The following MYH3 variants were observed in gnomAD, a reference collection of about 807,000 sequenced individuals.
MYH3 encodes the protein myosin heavy chain 3, also known as myosin-3.
MYH3 carries 130 observed loss-of-function variants against 238.0 expected under a neutral mutation model. The ratio of observed to expected loss-of-function variants is 0.55; its 90% CI spans 0.47 to 0.63. The LOEUF (loss-of-function observed/expected upper bound fraction) is 0.63. Ranked by LOEUF, MYH3 falls within the 30% of genes least tolerant of loss-of-function variation. MYH3 has a pLI of 0.00. For missense variants in MYH3, 1,853 were observed against 2,374.9 expected, an observed-to-expected ratio of 0.78 and a Z score of 4.57; for synonymous variants, 880 against 924.1, an observed-to-expected ratio of 0.95 and a Z score of 0.86.
At position 10,647,435 on chromosome 17, in the gene MYH3, G is replaced by A; in HGVS notation, c.736-9C>T. The A allele has an allele frequency of 6.2e-6, 10 of 1,614,138 alleles. No homozygotes were observed. The highest frequency in any genetic ancestry group is 8.5e-6 in the Non-Finnish European group (10 of 1,180,030). On this transcript the variant is annotated splice_polypyrimidine_tract_variant and intron_variant, in intron 8 of 40. Transcript: ENST00000583535. ...ATTCGGATGAACTTGCCCTGTATGG[G>A]GCGGGATTCAGGGGGAGACCAGATT...
Position 10,638,557 on chromosome 17 carries a change from T to C in MYH3, c.3340-125A>G, listed in dbSNP as rs975018183. 35 of 1,306,856 alleles carry C rather than the reference T, an allele frequency of 2.7e-5. No individual in the cohort carries two copies. The South Asian group carries it at 3.3e-4, about 12-fold the overall frequency. The allele number at this position is 1,306,856 out of a possible 1,614,324, so 81.0% of individuals were successfully genotyped here. ...TCTTAGACTCCCCTCCAATGAATAC[T>C]GCAAATTTCCTTTCACAGGAATTTT... On this transcript the variant is annotated intron_variant, in intron 26 of 40. Transcript: ENST00000583535.
chr17:10,663,280 G>A, the MYH3 span, among the ~76,000 whole-genome samples: 1 of 152,148 alleles, frequency 6.6e-6, no homozygotes, highest in African/African-American at 2.4e-5. Context: ...CAAATGAACT[G>A]TATGGTACAA....
rs962628210 is a variant in MYH3, at chr17:10,654,825, G to A, written c.204+36C>T. 6.2e-7 allele frequency: 1 copy of A among 1,600,872 alleles called. No homozygotes were observed. Among genetic ancestry groups the A allele is most frequent in the African/African-American group, 1.3e-5 (1 of 74,630 alleles). Reference sequence around the variant, plus strand: ...CCCAGGCAAGCACAAGGACCAGGTGGAGGGCCAGCAGCCTGTGGAGGGTAC... The same window carrying A: ...CCCAGGCAAGCACAAGGACCAGGTGAAGGGCCAGCAGCCTGTGGAGGGTAC... On this transcript the variant is annotated intron_variant, in intron 3 of 40. Coordinates refer to ENST00000583535, the MANE Select transcript of MYH3 (RefSeq NM_002470.4). This position sits in a 1 kb window ranked among gnomAD's most constrained non-coding sequence, Gnocchi z 4.5.
chr17:10,640,564 T>A lies in MYH3; in HGVS notation c.2288A>T (p.Lys763Met). The A allele has an allele frequency of 6.2e-7, 1 of 1,614,254 alleles. No homozygotes were observed. Among genetic ancestry groups the A allele is most frequent in the South Asian group, 1.1e-5 (1 of 91,092 alleles). Residue 763 changes from lysine to methionine, a missense_variant and splice_region_variant, in exon 20 of 41, where the codon AAG becomes ATG. This residue lies in a region of MYH3 where 678 missense variants were observed against 1,058.9 expected (regional missense o/e 0.64). Coordinates refer to ENST00000583535, the MANE Select transcript of MYH3 (RefSeq NM_002470.4). ...CATCTGTCAGAACTGATGCATTACC[T>A]TGGTATGTCCAAATTTGTACTGAGT... ...DHTQYKFGHT[K>M]VFFKAGLLGT...
rs763858044 is a variant in MYH3 at position 10,652,533 on chromosome 17, C to A, written c.235G>T (p.Ala79Ser). ...TLVVKPEDVYAMNPPKFDRIE... is the reference protein window; with the variant it reads ...TLVVKPEDVYSMNPPKFDRIE... The stretch of plus-strand genomic sequence containing the variant: ...CTGTCGAACTTGGGGGGGTTCATGG[C>A]GTACACATCCTCTGGTTTGACCACC... Residue 79 changes from alanine to serine, a missense_variant, in exon 4 of 41, where the codon GCC becomes TCC. Coordinates refer to ENST00000583535, the MANE Select transcript of MYH3 (RefSeq NM_002470.4). The A allele has an allele frequency of 2.6e-6, 4 of 1,560,200 alleles. No individual in the cohort carries two copies. The highest frequency in any genetic ancestry group is 3.5e-6 in the Non-Finnish European group (4 of 1,148,486).
chr17:10,635,498 C>G lies in MYH3; in HGVS notation c.4041G>C (p.Gln1347His). The change falls in exon 30 of 41, where the codon CAG becomes CAC. Residue 1347 changes from glutamine (Q) to histidine (H), a missense_variant. Around this residue, in one of 3 missense-constraint regions of MYH3, gnomAD observed 1,044 missense variants for 1,192.6 expected, o/e 0.88. Transcript: ENST00000583535. ...CTTTGCCTTCCTGCTCCTCCTCATACTGTTCCCGCAGCAGGTCACAGTCGT... is the reference window on the plus strand; with the variant it reads ...CTTTGCCTTCCTGCTCCTCCTCATAGTGTTCCCGCAGCAGGTCACAGTCGT... ...SRHDCDLLRE[Q>H]YEEEQEGKAE... is the part of the protein sequence containing the mutation. The G allele has an allele frequency of 1.2e-6, 2 of 1,614,238 alleles. No individual in the cohort carries two copies. The highest frequency in any genetic ancestry group is 1.7e-6 in the Non-Finnish European group (2 of 1,180,040).
chr17:10,643,093 CA>C, intron 14 of MYH3, 97 bp from the exon 15 acceptor site: 1 of 1,595,728 alleles, frequency 6.3e-7, no homozygotes, highest in Non-Finnish European at 8.6e-7. Context: ...TCCTGTCAAA[CA>C]CATTAATGCT....
upstream of MYH3, among the ~76,000 whole-genome samples, chr17:10,661,285 C>T (rs2074478457): frequency 8.7e-6 from 1 of 114,958 alleles, no homozygotes; most frequent in Non-Finnish European, 1.7e-5. Context: ...CCTGAGACTC[C>T]ATCTAAAAAA....
At position 10,639,419 on chromosome 17, in the gene MYH3, G is replaced by A. The variant is rs781677634; in HGVS notation, c.2981C>T (p.Thr994Ile). 26 of 1,614,014 alleles carry A rather than the reference G, an allele frequency of 1.6e-5. No individual in the cohort carries two copies. The South Asian group carries it at 1.9e-4, about 12-fold the overall frequency. ...CTCTTGGAGGGCCTTCTTCTCTCTG[G>A]TTAACTTTGCAATTGTTTCATCTAA... ...SGLDETIAKL[T>I]REKKALQEAH... The change falls in exon 24 of 41, where the codon ACC (threonine) becomes ATC (isoleucine). Residue 994 changes from threonine to isoleucine, a missense_variant. Around this residue, in one of 3 missense-constraint regions of MYH3, gnomAD observed 1,044 missense variants for 1,192.6 expected, o/e 0.88. Coordinates refer to ENST00000583535, the MANE Select transcript of MYH3 (RefSeq NM_002470.4).
chr17:10,647,912 C>T (rs2074339227), intron 8 of MYH3, among the ~76,000 whole-genome samples: 1 of 152,148 alleles, frequency 6.6e-6, no homozygotes, highest in African/African-American at 2.4e-5. Flanking sequence ...TGGGGTTTTC[C>T]TTATTTCCTT....
chr17:10,639,872 T>C (rs1337170493), intron 22 of MYH3, 70 bp from the exon 23 acceptor site: 3 of 1,597,970 alleles, frequency 1.9e-6, no homozygotes, highest in Non-Finnish European at 1.7e-6. Context: ...TTTCACTATA[T>C]ATGAAGTTCT....
rs541831241 is a variant in MYH3 at position 10,654,738 on chromosome 17, G to C, written c.204+123C>G. 5 of 910,882 alleles carry C rather than the reference G, an allele frequency of 5.5e-6. No individual in the cohort carries two copies. The highest frequency in any genetic ancestry group is 9.2e-6 in the Non-Finnish European group (5 of 541,642). The allele number at this position is 910,882 out of a possible 1,614,324, so 56.4% of individuals were successfully genotyped here. ...TACCTGGGAAGCCCCAGGCTACATT[G>C]TATGCGGCATTCCAGTGCTGGAACC... On this transcript the variant is annotated intron_variant, in intron 3 of 40. Transcript: ENST00000583535. This position sits in a 1 kb window ranked among gnomAD's most constrained non-coding sequence, Gnocchi z 4.5.
At position 10,634,155 on chromosome 17, in the gene MYH3, C is replaced by T. The variant is rs1341932698; in HGVS notation, c.4384G>A (p.Glu1462Lys). The part of the protein sequence containing the change: ...KVLAEWKTKC[E>K]ESQAELEASL... ...GCCTCCAGCTCTGCTTGGCTCTCCT[C>T]ACACTTTGTCTTCCACTCTGCCAAC... The change falls in exon 32 of 41, where the codon GAG becomes AAG. Residue 1462 changes from glutamate (E) to lysine (K), a missense_variant. Physicochemically the swap from Glu to Lys is moderately conservative, Grantham distance 56. Around this residue, in one of 3 missense-constraint regions of MYH3, gnomAD observed 1,044 missense variants for 1,192.6 expected, o/e 0.88. Transcript: ENST00000583535. 1 of 1,614,226 alleles carries T rather than the reference C, an allele frequency of 6.2e-7. No individual in the cohort carries two copies. The highest frequency in any genetic ancestry group is 1.6e-4 in the Middle Eastern group (1 of 6,062).
chr17:10,650,700 T>C (rs1204989343), intron 5 of MYH3, among the ~76,000 whole-genome samples: 2 of 152,242 alleles, frequency 1.3e-5, no homozygotes, highest in African/African-American at 4.8e-5. Flanking sequence ...ATACTTATTT[T>C]TTTGTGGAGA....
In MYH3 at chr17:10,631,616, T is replaced by C. The variant is rs372820809; in HGVS notation, c.5281A>G (p.Thr1761Ala). ...GCAGGAAGGAGACGCCTTACGTCCGTGATGGCCTTCTTGGCCTTCTCCTCA... is the reference window on the plus strand; with the variant it reads ...GCAGGAAGGAGACGCCTTACGTCCGCGATGGCCTTCTTGGCCTTCTCCTCA... ...NAEEKAKKAI[T>A]DAAMMAEELK... Residue 1761 changes from threonine (T) to alanine (A), a missense_variant, in exon 36 of 41, where the codon ACG (threonine) becomes GCG (alanine). Physicochemically the swap from Thr to Ala is moderately conservative, Grantham distance 58. Transcript: ENST00000583535. 3 of 1,614,066 alleles carry C rather than the reference T, an allele frequency of 1.9e-6. No homozygotes were observed. In the African/African-American group the frequency reaches 4.0e-5, roughly 22 times the overall value.
At chr17:10,634,263 T>C (rs2074192505) in intron 31 of MYH3, 81 bp from the exon 32 acceptor site, 1 of 1,542,806 alleles carries the variant, frequency 6.5e-7, no homozygotes. Flanking sequence ...CTAAATTAAA[T>C]GCAGAGTTAG....
At chr17:10,634,704 G>GT in intron 31 of MYH3, 136 bp downstream of exon 31, 1 of 1,026,172 alleles carries the variant, frequency 9.7e-7, no homozygotes, top group Non-Finnish European at 1.5e-6. Flanking sequence ...CTACAGCCCG[G>GT]TGAAGTTCAG....
At position 10,639,568 on chromosome 17, in the gene MYH3, C is replaced by T. The variant is rs1005751900; in HGVS notation, c.2917G>A (p.Glu973Lys). 6.2e-7 allele frequency: 1 copy of T among 1,614,142 alleles called. No homozygotes were observed. The highest frequency in any genetic ancestry group is 1.3e-5 in the African/African-American group (1 of 75,050). The change falls in exon 23 of 41, where the codon GAG becomes AAG. Residue 973 changes from glutamate (E) to lysine (K), a missense_variant. Physicochemically the swap from Glu to Lys is moderately conservative, Grantham distance 56. Coordinates refer to ENST00000583535, the MANE Select transcript of MYH3 (RefSeq NM_002470.4). ...AKVEKEKHAT[E>K]NKVKNLTEEL... ...ACCTACAATAAGAATACCTTGTTCT[C>T]TGTGGCATGCTTCTCCTTCTCAACC...
rs1413981865 is a variant in MYH3, at chr17:10,629,954, G to A, written c.5563-17C>T. On this transcript the variant is annotated splice_polypyrimidine_tract_variant and intron_variant, in intron 38 of 40. Coordinates refer to ENST00000583535, the MANE Select transcript of MYH3 (RefSeq NM_002470.4). ...CTCTTCACTCTAAGAATGAGAAAGTGGGAATGTCACTGGAGAGGAGGGGGC... is the reference window on the plus strand; with the variant it reads ...CTCTTCACTCTAAGAATGAGAAAGTAGGAATGTCACTGGAGAGGAGGGGGC... 6.2e-7 allele frequency: 1 copy of A among 1,613,718 alleles called. No individual in the cohort carries two copies. The highest frequency in any genetic ancestry group is 8.5e-7 in the Non-Finnish European group (1 of 1,179,590).
Sources: allele counts gnomAD v4.1 joint callset (sites outside exome capture counted in the v4.1 genomes callset), GRCh38; gene constraint gnomAD v4.1.1; regional missense constraint gnomAD v4.1.1; non-coding constraint Gnocchi (gnomAD v3.1); transcripts MANE v1.5; gene names NCBI Gene and HGNC (gene_info 2026-07-23, HGNC 2026-07-21).